DPP9: variants seen among roughly 807,000 people sequenced by gnomAD.
DPP9 encodes the protein dipeptidyl peptidase IV-related protein-2.
Under a neutral mutation model 110.7 loss-of-function variants are expected in DPP9, and 50 were observed. The observed-to-expected ratio is 0.45, with a 90% CI of 0.36 to 0.57. The LOEUF (loss-of-function observed/expected upper bound fraction) is 0.57, where lower values mean the gene tolerates loss of function less well. DPP9 is among the 20% of genes least tolerant of loss of function. DPP9 has a pLI of 0.00. For missense variants in DPP9, 1,022 were observed against 1,217.9 expected (o/e 0.84, Z 2.39); for synonymous variants, 561 against 514.4 (o/e 1.09, Z -1.23).
intron 21 of DPP9, among the ~76,000 whole-genome samples, chr19:4,678,336 C>T (rs1489404295): frequency 6.6e-6 from 1 of 152,200 alleles, no homozygotes; most frequent in Non-Finnish European, 1.5e-5. Context: ...TGGTCTCAAA[C>T]TCCTGGCCTC....
intron 21 of DPP9, among the ~76,000 whole-genome samples, chr19:4,678,301 C>T (rs1378414022): frequency 6.6e-6 from 1 of 151,734 alleles, no homozygotes; most frequent in Non-Finnish European, 1.5e-5. Context: ...TTAGTAGAGA[C>T]GGAGCTTTGC....
chr19:4,715,050 A>G lies in DPP9; in HGVS notation c.57-713T>C, dbSNP rs1232764031. 3.4e-5 allele frequency among the ~76,000 whole-genome samples: 3 copies of G among 87,804 alleles called. No individual in the cohort carries two copies. The Admixed American group carries it at 5.5e-4, about 16-fold the overall frequency. 57.6% of individuals were successfully genotyped at this position (87,804 alleles called of 152,430 possible). On this transcript the variant is annotated intron_variant, in intron 3 of 21. Coordinates refer to ENST00000262960, the MANE Select transcript of DPP9 (RefSeq NM_139159.5). ...TTTTTTTTTTTTTTTTTTTTTGGAG[A>G]CAGAGTCTCCAAAGGCTGGAGTGCA...
rs192173021 is a variant in DPP9, at chr19:4,703,737, G to A, written c.769+149C>T. The A allele has an allele frequency of 3.7e-4, 290 of 786,026 alleles. 2 individuals are homozygous for A. The South Asian group carries it at 4.3e-3, about 12-fold the overall frequency. The allele number at this position is 786,026 out of a possible 1,614,324, so 48.7% of individuals were successfully genotyped here. On this transcript the variant is annotated intron_variant, in intron 7 of 21. Transcript: ENST00000262960. ...AGCGGCAGGGACGCCAGGACCTCCCGGGAGACATGGTAGGCTACAGAAGGT... is the reference window on the plus strand; with the variant it reads ...AGCGGCAGGGACGCCAGGACCTCCCAGGAGACATGGTAGGCTACAGAAGGT...
chr19:4,697,005 G>T (rs1368710593), intron 11 of DPP9, among the ~76,000 whole-genome samples: 1 of 151,862 alleles, frequency 6.6e-6, no homozygotes, highest in Non-Finnish European at 1.5e-5. Flanking sequence ...AGGCTGAGGT[G>T]GGAGGATTGC....
intron 21 of DPP9, 32 bp downstream of exon 21, chr19:4,679,787 GGGATCTGTCGGCTCGC>G: frequency 7.3e-7 from 1 of 1,369,904 alleles, no homozygotes. Context: ...CCCACTCCCA[GGGATCTGTCGGCTCGC>G]GGAGGGGCCG....
Position 4,704,279 on chromosome 19 carries a change from G to A in DPP9, c.452C>T (p.Ser151Phe). The A allele has an allele frequency of 7.4e-6, 12 of 1,613,470 alleles. No homozygotes were observed. The highest frequency in any genetic ancestry group is 1.0e-5 in the Non-Finnish European group (12 of 1,179,886). ...CTCCCTCAGCAGCTCCTCCTCCCGAGAGTAGACCCCATGGTGGGGCGTGGC... is the reference window on the plus strand; with the variant it reads ...CTCCCTCAGCAGCTCCTCCTCCCGAAAGTAGACCCCATGGTGGGGCGTGGC... ...FQATPHHGVY[S>F]REEELLRERK... is the part of the protein sequence containing the mutation. The change falls in exon 6 of 22, where the codon TCT (serine) becomes TTT (phenylalanine). Residue 151 changes from serine (S) to phenylalanine (F), a missense_variant. Physicochemically the swap from Ser to Phe is radical, Grantham distance 155 (BLOSUM62 -2). Around this residue, in one of 3 missense-constraint regions of DPP9, gnomAD observed 810 missense variants for 920.6 expected, o/e 0.88. Transcript: ENST00000262960. This position sits in a 1 kb window ranked among gnomAD's most constrained non-coding sequence, Gnocchi z 6.0.
rs535642944 is a variant in DPP9, at chr19:4,684,210, C to T, written c.2178+453G>A. 66 of 273,610 alleles carry T rather than the reference C, an allele frequency of 2.4e-4. No homozygotes were observed. The highest frequency in any genetic ancestry group is 2.0e-3 in the South Asian group (50 of 25,594). 16.9% of individuals were successfully genotyped at this position (273,610 alleles called of 1,614,324 possible). ...TTTCCGCTCCTTGCAACCCCTCTGC[C>T]GTGTAGGAAGCAGCACAGGGCCTCT... On this transcript the variant is annotated intron_variant, in intron 18 of 21. Coordinates refer to ENST00000262960, the MANE Select transcript of DPP9 (RefSeq NM_139159.5). The surrounding 1 kb of genome is among the most constrained non-coding windows in gnomAD (Gnocchi z 4.8).
chr19:4,685,788 G>T lies in DPP9; in HGVS notation c.1886-17C>A, dbSNP rs376303186. Reference sequence around the variant, plus strand: ...GGGGGCAGCCTGCGGGAGACAGGGCGGCTATCTGGCTGCCCGGGGAAGCCA... The same window carrying T: ...GGGGGCAGCCTGCGGGAGACAGGGCTGCTATCTGGCTGCCCGGGGAAGCCA... On this transcript the variant is annotated splice_polypyrimidine_tract_variant and intron_variant, in intron 16 of 21. Transcript: ENST00000262960. This position sits in a 1 kb window ranked among gnomAD's most constrained non-coding sequence, Gnocchi z 5.8. 2 of 1,609,816 alleles carry T rather than the reference G, an allele frequency of 1.2e-6. No homozygotes were observed. The highest frequency in any genetic ancestry group is 2.2e-5 in the South Asian group (2 of 90,918).
At chr19:4,716,811 G>A (rs1191131318) in intron 3 of DPP9, among the ~76,000 whole-genome samples, 1 of 152,108 alleles carries the variant, frequency 6.6e-6, no homozygotes, top group Non-Finnish European at 1.5e-5. Context: ...GTTCAGTGGA[G>A]GCAGCCCGGC....
intron 13 of DPP9, 66 bp from the exon 14 acceptor site, chr19:4,691,023 A>C: frequency 7.6e-7 from 1 of 1,309,856 alleles, no homozygotes. Context: ...AAAGGCACCC[A>C]GGCCAAATTC....
intron 7 of DPP9, 135 bp from the exon 8 acceptor site, chr19:4,702,851 AGGGAGGGAGAGGGAGG>A (rs2092363704): frequency 8.3e-6 from 1 of 119,790 alleles, no homozygotes; most frequent in African/African-American, 3.5e-5. Flanking sequence ...GGGGAGGGAG[AGGGAGGGAGAGGGAGG>A]GAGAGCTCGG....
At position 4,682,767 on chromosome 19, in the gene DPP9, G is replaced by A. The variant is rs930462490; in HGVS notation, c.2403C>T (p.Asp801=). The change falls in exon 20 of 22, where the codon GAC becomes GAT. Residue 801 remains aspartate (D), a synonymous_variant. Transcript: ENST00000262960. The surrounding 1 kb of genome is among the most constrained non-coding windows in gnomAD (Gnocchi z 7.1). ...YDTGYTERYM[D]VPENNQHGYE... is the part of the protein sequence containing the mutation. Reference sequence around the variant, plus strand: ...AGCCGTGCTGGTTGTTCTCAGGGACGTCCATGTAGCGCTCAGTGTACCCTG... The same window carrying A: ...AGCCGTGCTGGTTGTTCTCAGGGACATCCATGTAGCGCTCAGTGTACCCTG... 3 of 1,605,840 alleles carry A rather than the reference G, an allele frequency of 1.9e-6. No individual in the cohort carries two copies. The highest frequency in any genetic ancestry group is 1.7e-6 in the Non-Finnish European group (2 of 1,176,576).
chr19:4,680,235 C>CAAAAA (rs71168922), intron 20 of DPP9, among the ~76,000 whole-genome samples: 1 of 70,866 alleles, frequency 1.4e-5, no homozygotes. Context: ...GACAGCATCT[C>CAAAAA]AAAAAAAAAA....
At chr19:4,688,681 C>G in intron 16 of DPP9, 76 bp downstream of exon 16, 3 of 1,353,676 alleles carry the variant, frequency 2.2e-6, no homozygotes, top group Non-Finnish European at 2.8e-6. Context: ...TGCCTCTTTC[C>G]CCAGCATGGG....
intron 21 of DPP9, 154 bp downstream of exon 21, chr19:4,679,681 G>A (rs1568297608): frequency 4.8e-6 from 3 of 622,200 alleles, no homozygotes; most frequent in Non-Finnish European, 8.5e-6. Flanking sequence ...AGCTGGGAGG[G>A]CGGGGACACA....
At chr19:4,688,578 G>A (rs1208205024) in intron 16 of DPP9, 179 bp downstream of exon 16, 4 of 787,200 alleles carry the variant, frequency 5.1e-6, no homozygotes, top group Non-Finnish European at 7.1e-6. Flanking sequence ...GTCTCGGACG[G>A]CAGGGGCTGT....
chr19:4,696,499 G>C (rs1024050880), intron 11 of DPP9, among the ~76,000 whole-genome samples: 2 of 151,328 alleles, frequency 1.3e-5, no homozygotes, highest in South Asian at 4.2e-4. Flanking sequence ...AGTGGCTCAC[G>C]CTTGTAATCC....
intron 3 of DPP9, among the ~76,000 whole-genome samples, chr19:4,715,309 C>G (rs969923407): frequency 1.3e-5 from 2 of 152,142 alleles, no homozygotes; most frequent in African/African-American, 2.4e-5. Flanking sequence ...AGGCATGAGC[C>G]ACTGCACCCA....
rs1044011867 is a variant in DPP9 at position 4,695,308 on chromosome 19, G to A, written c.1353+70C>T. ...CCTGCCATTGGCGCTCAGCCTTCTA[G>A]GACGTGGGGGTGGGGACAGTGTGAC... is the stretch of plus-strand genomic sequence containing the variant. On this transcript the variant is annotated intron_variant, in intron 12 of 21. Transcript: ENST00000262960. The surrounding 1 kb of genome is among the most constrained non-coding windows in gnomAD (Gnocchi z 4.7). 15 of 1,450,880 alleles carry A rather than the reference G, an allele frequency of 1.0e-5. No homozygotes were observed. The highest frequency in any genetic ancestry group is 1.3e-5 in the Non-Finnish European group (14 of 1,090,008). The allele number at this position is 1,450,880 out of a possible 1,614,324, so 89.9% of individuals were successfully genotyped here. A position where few individuals can be genotyped will look rare whatever the true frequency, so the allele number is the denominator to read the frequency against.
Sources: allele counts gnomAD v4.1 joint callset (sites outside exome capture counted in the v4.1 genomes callset), GRCh38; gene constraint gnomAD v4.1.1; regional missense constraint gnomAD v4.1.1; non-coding constraint Gnocchi (gnomAD v3.1); transcripts MANE v1.5; gene names NCBI Gene and HGNC (gene_info 2026-07-23, HGNC 2026-07-21).